Variants in FAM120C observed in about 807,000 individuals in gnomAD.
FAM120C encodes the protein constitutive coactivator of PPAR-gamma-like protein 2.
A neutral mutation model predicts 71.2 loss-of-function variants in FAM120C; 14 were observed. The ratio of observed to expected loss-of-function variants is 0.20; its 90% CI spans 0.13 to 0.31. FAM120C has a LOEUF of 0.31. FAM120C is among the 10% of genes least tolerant of loss of function. FAM120C has a pLI of 1.00. For synonymous variants in FAM120C, 354 were observed against 353.2 expected (o/e 1.00, Z -0.03); for missense variants, 500 against 879.0 (o/e 0.57, Z 5.45).
intron 10 of FAM120C, among the ~76,000 whole-genome samples, chrX:54,098,931 T>C (rs1314422169): frequency 9.0e-6 from 1 of 111,210 alleles, no homozygotes; most frequent in Non-Finnish European, 1.9e-5. Context: ...CATTTGCGTA[T>C]GTTCTTTGGA....
At chrX:54,074,496 G>A (rs948283896) in intron 15 of FAM120C, among the ~76,000 whole-genome samples, 1 of 112,435 alleles carries the variant, frequency 8.9e-6, no homozygotes, top group Non-Finnish European at 1.9e-5. Context: ...TCGGCTCACC[G>A]CAACCTCCGC....
In FAM120C at chrX:54,134,940, C is replaced by G. The variant is rs1557130167; in HGVS notation, c.1507G>C (p.Ala503Pro). The G allele has an allele frequency of 2.5e-6, 3 of 1,211,247 alleles. No individual in the cohort carries two copies. The highest frequency in any genetic ancestry group is 1.8e-5 in the South Asian group (1 of 56,913). The part of the protein sequence containing the change: ...ANWAVSYDSS[A>P]SQFPNYLPSK... Reference sequence around the variant, plus strand: ...GGCAGGTAATTGGGAAACTGGGATGCAGAAGAGTCATAGGAGACAGCCCAA... The same window carrying G: ...GGCAGGTAATTGGGAAACTGGGATGGAGAAGAGTCATAGGAGACAGCCCAA... The change falls in exon 7 of 16, where the codon GCA becomes CCA. Residue 503 changes from alanine to proline, a missense_variant. By Grantham distance (27) the Ala-to-Pro change is conservative (BLOSUM62 -1). Transcript: ENST00000375180.
Position 54,182,778 on chromosome X carries a change from C to A in FAM120C, c.421G>T (p.Gly141Cys). The change falls in exon 1 of 16, where the codon GGC becomes TGC. Residue 141 changes from glycine to cysteine, a missense_variant. This residue lies in a region of FAM120C where 45 missense variants were observed against 140.2 expected (regional missense o/e 0.32). Coordinates refer to ENST00000375180, the MANE Select transcript of FAM120C (RefSeq NM_017848.6). ...TAGCCCAGCATGGCGTTCCATTGGC[C>A]GCCACACACCCAATCCGTCTGGTAG... ...GGYQTDWVCG[G>C]QWNAMLGYLS... The A allele has an allele frequency of 8.3e-7, 1 of 1,207,677 alleles. No homozygotes were observed. The highest frequency in any genetic ancestry group is 1.1e-6 in the Non-Finnish European group (1 of 893,808).
chrX:54,080,112 G>A (rs1429242904), intron 15 of FAM120C, 120 bp downstream of exon 15: 1 of 547,323 alleles, frequency 1.8e-6, no homozygotes, highest in African/African-American at 2.3e-5. Context: ...AATGCCTGGA[G>A]GAGTTGAGAA....
intron 1 of FAM120C, among the ~76,000 whole-genome samples, chrX:54,167,462 C>A (rs1266102158): frequency 9.0e-6 from 1 of 111,598 alleles, no homozygotes; most frequent in Admixed American, 9.6e-5. Flanking sequence ...AGATTCTGAA[C>A]GACTATCTAT....
At chrX:54,117,895 T>G (rs1274267068) in intron 9 of FAM120C, among the ~76,000 whole-genome samples, 1 of 111,033 alleles carries the variant, frequency 9.0e-6, no homozygotes, top group East Asian at 2.8e-4. Flanking sequence ...TTAAGATATT[T>G]CACAAAATTC....
intron 1 of FAM120C, among the ~76,000 whole-genome samples, chrX:54,164,081 G>C (rs781866617): frequency 9.1e-6 from 1 of 110,288 alleles, no homozygotes; most frequent in African/African-American, 3.3e-5. Context: ...ATAGGCACAT[G>C]CCACCAGGTC....
intron 9 of FAM120C, among the ~76,000 whole-genome samples, chrX:54,117,173 A>T (rs967516233): frequency 4.7e-5 from 5 of 106,659 alleles, no homozygotes; most frequent in African/African-American, 1.7e-4. Context: ...AGCCCCGGCA[A>T]GATGGAGAGA....
In FAM120C at chrX:54,146,145, C is replaced by T. The variant is rs903219833; in HGVS notation, c.1158+5100G>A. ...ACACAAGGTGGGGAACATCACACACCGGGGCCTCTCGTGGGGTGGGGGAAG... is the reference window on the plus strand; with the variant it reads ...ACACAAGGTGGGGAACATCACACACTGGGGCCTCTCGTGGGGTGGGGGAAG... On this transcript the variant is annotated intron_variant, in intron 4 of 15. Transcript: ENST00000375180. Among the ~76,000 whole-genome samples the T allele has an allele frequency of 9.1e-5, 9 of 98,777 alleles. No homozygotes were observed. In the East Asian group the frequency reaches 2.3e-3, roughly 25 times the overall value. The allele number at this position is 98,777 out of a possible 115,157, so 85.8% of individuals were successfully genotyped here.
intron 4 of FAM120C, among the ~76,000 whole-genome samples, chrX:54,149,284 C>T (rs961029286): frequency 1.8e-4 from 20 of 111,939 alleles, no homozygotes; most frequent in African/African-American, 5.5e-4. Flanking sequence ...ACAGGTAACA[C>T]GCAACAACTT....
chrX:54,084,516 G>A (rs7884364), intron 13 of FAM120C, among the ~76,000 whole-genome samples: 2,548 of 112,058 alleles, frequency 0.023, 80 homozygotes, highest in African/African-American at 0.08. Flanking sequence ...ATTTTATGTT[G>A]AAATGTCTCC....
At chrX:54,080,731 C>T (rs782706816) in intron 14 of FAM120C, among the ~76,000 whole-genome samples, 2 of 108,748 alleles carry the variant, frequency 1.8e-5, no homozygotes, top group Non-Finnish European at 3.8e-5. Context: ...TGGTGGTGGG[C>T]GGCACCTGTA....
chrX:54,170,702 A>T (rs1207002062), intron 1 of FAM120C, among the ~76,000 whole-genome samples: 1 of 111,780 alleles, frequency 8.9e-6, no homozygotes, highest in African/African-American at 3.3e-5. Context: ...GATTTACTTA[A>T]TTCATACCCA....
chrX:54,155,283 C>T (rs922325030), intron 3 of FAM120C, among the ~76,000 whole-genome samples: 6 of 111,754 alleles, frequency 5.4e-5, no homozygotes, highest in East Asian at 5.6e-4. Context: ...GGCTATTCCA[C>T]CTTTAACAAG....
chrX:54,175,768 ACACT>A (rs782756952), intron 1 of FAM120C, among the ~76,000 whole-genome samples: 2 of 111,529 alleles, frequency 1.8e-5, no homozygotes, highest in South Asian at 3.8e-4. Flanking sequence ...AAATCATTTA[ACACT>A]CACAACAAAA....
At chrX:54,155,927 T>G (rs1339516372) in intron 3 of FAM120C, among the ~76,000 whole-genome samples, 5 of 110,883 alleles carry the variant, frequency 4.5e-5, no homozygotes, top group African/African-American at 1.6e-4. Context: ...ACCCTGTCTC[T>G]TAAAAAAAAT....
rs2067042135 is a variant in FAM120C, at chrX:54,128,683, C to T, written c.2062+4009G>A. Among the ~76,000 whole-genome samples the T allele has an allele frequency of 4.5e-5, 5 of 111,545 alleles. No individual in the cohort carries two copies. In the South Asian group the frequency reaches 1.9e-3, roughly 42 times the overall value. ...GGGAGTGGTGATGACTCTTAACGAG[C>T]ATGCTGCCTTCAAGCATCTGTTTAA... On this transcript the variant is annotated intron_variant, in intron 9 of 15. Coordinates refer to ENST00000375180, the MANE Select transcript of FAM120C (RefSeq NM_017848.6).
At chrX:54,172,709 G>C (rs1557136090) in intron 1 of FAM120C, among the ~76,000 whole-genome samples, 2 of 111,433 alleles carry the variant, frequency 1.8e-5, no homozygotes, top group South Asian at 3.8e-4. Context: ...ATCAGCTGGA[G>C]GGCTTGTTGA....
At position 54,068,477 on chromosome X, in the gene FAM120C, G is replaced by A. The variant is rs889221485; in HGVS notation, c.*4556C>T. On this transcript the variant is annotated 3_prime_UTR_variant, in exon 16 of 16. Transcript: ENST00000375180. ...TTCTGAAACTCTTCCATTAACTCCT[G>A]AAGTTTCCCCAAAGAAGCATCCATT... 2.7e-5 allele frequency: 3 copies of A among 111,207 alleles called. No individual in the cohort carries two copies. The highest frequency in any genetic ancestry group is 5.6e-5 in the Non-Finnish European group (3 of 53,135). 9.2% of individuals were successfully genotyped at this position (111,207 alleles called of 1,213,427 possible).
Sources: gnomAD v4.1 joint callset for allele counts (sites outside exome capture counted in the v4.1 genomes callset) on GRCh38, gnomAD v4.1.1 for gene constraint, gnomAD v4.1.1 regional missense constraint, MANE v1.5 for transcripts, NCBI Gene and HGNC (gene_info 2026-07-23, HGNC 2026-07-21) for gene names.